The following CUX1 variants were observed in gnomAD, a reference collection of about 807,000 sequenced individuals.
CUX1 encodes the protein protein CASP.
In CUX1, 31 loss-of-function variants were observed where a neutral mutation model predicts 158.8. The observed-to-expected ratio is 0.20, with a 90% confidence interval of 0.15 to 0.26. CUX1 has a LOEUF of 0.26. CUX1 is among the 10% of genes least tolerant of loss of function. The pLI is 1.00. For missense variants in CUX1, 1,589 were observed against 2,014.6 expected (o/e 0.79, Z 4.04); for synonymous variants, 879 against 862.1 (o/e 1.02, Z -0.34).
At chr7:101,962,964 TC>T (rs1810699283) in intron 2 of CUX1, among the ~76,000 whole-genome samples, 1 of 152,070 alleles carries the variant, frequency 6.6e-6, no homozygotes, top group Admixed American at 6.6e-5. Flanking sequence ...CAAGTGATCC[TC>T]CTCCCAAAGT....
rs1801737414 is a variant in CUX1 at position 102,253,438 on chromosome 7, C to CT, written c.*4397dup. ...GAACAGGAGTCCCCAGGTGAGCTCT[C>CT]TGACGGGCAGGTGCCTTCCCGACTA... On this transcript the variant is annotated 3_prime_UTR_variant, in exon 24 of 24. Coordinates refer to ENST00000292535, the MANE Select transcript of CUX1 (RefSeq NM_181552.4). The CT allele has an allele frequency of 2.0e-6, 2 of 985,504 alleles. No individual in the cohort carries two copies. The highest frequency in any genetic ancestry group is 1.1e-4 in the East Asian group (1 of 8,818). The allele number at this position is 985,504 out of a possible 1,614,324, so 61.0% of individuals were successfully genotyped here.
intron 1 of CUX1, among the ~76,000 whole-genome samples, chr7:101,856,944 C>T (rs779568872): frequency 1.3e-5 from 2 of 152,230 alleles, no homozygotes; most frequent in African/African-American, 4.8e-5. Flanking sequence ...CATGCAGCCA[C>T]GCCTCTGCTC....
intron 1 of CUX1, among the ~76,000 whole-genome samples, chr7:101,851,165 CTCAA>C (rs1796227080): frequency 6.6e-6 from 1 of 152,110 alleles, no homozygotes; most frequent in Non-Finnish European, 1.5e-5. Flanking sequence ...CTCTTTTTGG[CTCAA>C]TCAATTTTCA....
In CUX1 at chr7:101,869,932, C is replaced by T. The variant is rs913198405; in HGVS notation, c.31-46183C>T. Among the ~76,000 whole-genome samples the T allele has an allele frequency of 1.3e-5, 2 of 152,084 alleles. No homozygotes were observed. Among genetic ancestry groups the T allele is most frequent in the African/African-American group, 2.4e-5 (1 of 41,400 alleles). On this transcript the variant is annotated intron_variant, in intron 1 of 23. Transcript: ENST00000292535. The surrounding 1 kb of genome is among the most constrained non-coding windows in gnomAD (Gnocchi z 4.5). Reference sequence around the variant, plus strand: ...GTCTGCCATCCCCTTCCAGGTGCCCCGCAGAACCACCACCCTTGGGAAGGC... The same window carrying T: ...GTCTGCCATCCCCTTCCAGGTGCCCTGCAGAACCACCACCCTTGGGAAGGC...
intron 2 of CUX1, among the ~76,000 whole-genome samples, chr7:101,982,001 C>T (rs780112011): frequency 2.6e-5 from 4 of 152,102 alleles, no homozygotes; most frequent in Non-Finnish European, 5.9e-5. Context: ...CTGTATTCAC[C>T]AAGATGGCCT....
chr7:101,841,633 C>T lies in CUX1; in HGVS notation c.30+23964C>T, dbSNP rs574857006. Reference sequence around the variant, plus strand: ...AAGGCAGTGGTGTGATCTTGGCTCACTGCAGCCTCTGCCTCCCGGGTTCAA... The same window carrying T: ...AAGGCAGTGGTGTGATCTTGGCTCATTGCAGCCTCTGCCTCCCGGGTTCAA... On this transcript the variant is annotated intron_variant, in intron 1 of 23. Coordinates refer to ENST00000292535, the MANE Select transcript of CUX1 (RefSeq NM_181552.4). Among the ~76,000 whole-genome samples, 3 of 152,280 alleles carry T rather than the reference C, an allele frequency of 2.0e-5. No homozygotes were observed. The East Asian group carries it at 5.8e-4, about 29-fold the overall frequency.
At chr7:102,026,785 A>T (rs898883809) in intron 2 of CUX1, among the ~76,000 whole-genome samples, 4 of 142,330 alleles carry the variant, frequency 2.8e-5, no homozygotes, top group African/African-American at 1.1e-4. Flanking sequence ...TCGCCACTGC[A>T]CTCCAGCCTA....
In CUX1 at chr7:102,251,379, T is replaced by A; in HGVS notation, c.*2337T>A. 1 of 985,442 alleles carries A rather than the reference T, an allele frequency of 1.0e-6. No homozygotes were observed. The highest frequency in any genetic ancestry group is 1.2e-6 in the Non-Finnish European group (1 of 829,938). The allele number at this position is 985,442 out of a possible 1,614,324, so 61.0% of individuals were successfully genotyped here. A position where few individuals can be genotyped will look rare whatever the true frequency, so the allele number is the denominator to read the frequency against. On this transcript the variant is annotated 3_prime_UTR_variant, in exon 24 of 24. Coordinates refer to ENST00000292535, the MANE Select transcript of CUX1 (RefSeq NM_181552.4). ...TTCTTGCATGATGTTTTAGAGATTA[T>A]TTCATTTACAGTCTTTTAACCTGCA...
chr7:102,035,842 C>A (rs941262213), intron 3 of CUX1, among the ~76,000 whole-genome samples: 12 of 152,044 alleles, frequency 7.9e-5, no homozygotes, highest in Admixed American at 7.2e-4. Context: ...ATCACAGAAT[C>A]AGTCATTGTA....
intron 9 of CUX1, among the ~76,000 whole-genome samples, chr7:102,167,395 C>CTAAA (rs1791169821): frequency 6.6e-6 from 1 of 152,232 alleles, no homozygotes; most frequent in Non-Finnish European, 1.5e-5. Flanking sequence ...CTCTGAACGG[C>CTAAA]TAAATGCCTG....
chr7:102,213,799 G>A (rs868921855), intron 20 of CUX1, among the ~76,000 whole-genome samples: 4 of 152,160 alleles, frequency 2.6e-5, no homozygotes, highest in African/African-American at 4.8e-5. Context: ...TGCTGGTGTG[G>A]TCTCTGTGCC....
chr7:102,056,988 G>A (rs557518392), intron 3 of CUX1, among the ~76,000 whole-genome samples: 1 of 150,126 alleles, frequency 6.7e-6, no homozygotes, highest in East Asian at 2.0e-4. Flanking sequence ...TGCAACCTCT[G>A]CCTCCTGGGT....
intron 3 of CUX1, among the ~76,000 whole-genome samples, chr7:102,058,272 A>C (rs558259574): frequency 4.6e-5 from 7 of 151,994 alleles, no homozygotes; most frequent in Admixed American, 2.0e-4. Context: ...TCTTTTTGTC[A>C]TATTTGCCTT....
At chr7:101,914,820 C>T (rs1297032155) in intron 1 of CUX1, among the ~76,000 whole-genome samples, 1 of 152,126 alleles carries the variant, frequency 6.6e-6, no homozygotes, top group Non-Finnish European at 1.5e-5. Flanking sequence ...TGTAAGTTGA[C>T]AGCATGATTT....
intron 11 of CUX1, among the ~76,000 whole-genome samples, chr7:102,189,333 C>T (rs10268463): frequency 0.022 from 3,175 of 145,240 alleles, 112 homozygotes; most frequent in African/African-American, 0.08. Flanking sequence ...CTTTTCACCT[C>T]TGCAAAGATT....
chr7:101,889,966 G>A (rs1450325969), intron 1 of CUX1, among the ~76,000 whole-genome samples: 2 of 152,128 alleles, frequency 1.3e-5, no homozygotes, highest in African/African-American at 2.4e-5. Context: ...CCTTCACTAC[G>A]GGGTACCAGG....
In CUX1 at chr7:102,208,224, T is replaced by C. The variant is rs2132108070; in HGVS notation, c.3130+3054T>C. ...AAAGAGAAAAGAAAAAAAGCTATGT[T>C]CACAGTATATGGAGTGTGTGTGTGT... On this transcript the variant is annotated intron_variant, in intron 20 of 23. Coordinates refer to ENST00000292535, the MANE Select transcript of CUX1 (RefSeq NM_181552.4). 2.3e-5 allele frequency among the ~76,000 whole-genome samples: 3 copies of C among 130,782 alleles called. No homozygotes were observed. In the Middle Eastern group the frequency reaches 0.011, roughly 484 times the overall value. 85.8% of individuals were successfully genotyped at this position (130,782 alleles called of 152,430 possible).
intron 1 of CUX1, among the ~76,000 whole-genome samples, chr7:101,901,658 T>C (rs765681438): frequency 2.0e-5 from 3 of 152,266 alleles, no homozygotes; most frequent in Middle Eastern, 3.4e-3. Context: ...CAGCTGTACG[T>C]TCCCAGGGAC....
At chr7:101,921,763 C>T (rs774700952) in intron 2 of CUX1, among the ~76,000 whole-genome samples, 5 of 152,000 alleles carry the variant, frequency 3.3e-5, no homozygotes, top group East Asian at 1.9e-4. Flanking sequence ...GGCCTTAGCT[C>T]GGGCAACTTT....
Sources: allele counts gnomAD v4.1 joint callset (sites outside exome capture counted in the v4.1 genomes callset), GRCh38; gene constraint gnomAD v4.1.1; non-coding constraint Gnocchi (gnomAD v3.1); transcripts MANE v1.5; gene names NCBI Gene and HGNC (gene_info 2026-07-23, HGNC 2026-07-21).